THSD7B: variants seen among roughly 807,000 people sequenced by gnomAD.
THSD7B encodes thrombospondin type 1 domain containing 7B, also known as thrombospondin type-1 domain-containing protein 7B.
In THSD7B, 138 loss-of-function variants were observed where a neutral mutation model predicts 213.6. The observed-to-expected ratio is 0.65, with a 90% confidence interval of 0.56 to 0.74. The LOEUF (loss-of-function observed/expected upper bound fraction) is 0.74, where lower values mean the gene tolerates loss of function less well. Ranked by LOEUF, THSD7B falls within the 30% of genes least tolerant of loss-of-function variation. The pLI is 0.00. For missense variants in THSD7B, 1,931 were observed against 1,991.5 expected (o/e 0.97, Z 0.58); for synonymous variants, 742 against 687.0 (o/e 1.08, Z -1.25).
intron 1 of THSD7B, among the ~76,000 whole-genome samples, chr2:136,811,364 G>A (rs1263436100): frequency 6.6e-6 from 1 of 152,112 alleles, no homozygotes; most frequent in Non-Finnish European, 1.5e-5. Context: ...GTAAGTAATT[G>A]TCATGTGAAA....
chr2:137,624,016 G>T (rs1343246507), intron 20 of THSD7B, among the ~76,000 whole-genome samples: 1 of 152,194 alleles, frequency 6.6e-6, no homozygotes. Flanking sequence ...AGCCCACATT[G>T]CCAAGACAAT....
chr2:136,938,844 G>A (rs1247353078), intron 2 of THSD7B, among the ~76,000 whole-genome samples: 2 of 152,178 alleles, frequency 1.3e-5, no homozygotes, highest in Non-Finnish European at 2.9e-5. Context: ...CTGACTTAGT[G>A]TGGTGTCACA....
chr2:137,329,156 T>G (rs1412684788), intron 12 of THSD7B, among the ~76,000 whole-genome samples: 1 of 152,148 alleles, frequency 6.6e-6, no homozygotes, highest in East Asian at 1.9e-4. Flanking sequence ...CCTAGAGACT[T>G]GTTGAATGGC....
intron 1 of THSD7B, among the ~76,000 whole-genome samples, chr2:136,845,561 G>A (rs1558824150): frequency 6.6e-6 from 1 of 152,154 alleles, no homozygotes; most frequent in Non-Finnish European, 1.5e-5. Flanking sequence ...AATCATAAGA[G>A]CATAACTGAG....
intron 4 of THSD7B, among the ~76,000 whole-genome samples, chr2:137,107,771 T>C (rs1348600792): frequency 6.6e-6 from 1 of 152,218 alleles, no homozygotes; most frequent in African/African-American, 2.4e-5. Flanking sequence ...TGCTAAGTGC[T>C]GTATATGGCG....
chr2:137,626,457 CTG>C (rs1485970279), intron 20 of THSD7B, among the ~76,000 whole-genome samples: 11 of 124,370 alleles, frequency 8.8e-5, no homozygotes, highest in Admixed American at 3.3e-4. Flanking sequence ...GAGCGAGACT[CTG>C]TCTCAAAAAA....
At position 137,001,697 on chromosome 2, in the gene THSD7B, C is replaced by G. The variant is rs562019684; in HGVS notation, c.140-54723C>G. ...CCCATTTGATGCAGTACTAAAGGCT[C>G]CAATTCAGAAATATGTTCAAATCTT... On this transcript the variant is annotated intron_variant, in intron 2 of 27. Transcript: ENST00000409968. Among the ~76,000 whole-genome samples the G allele has an allele frequency of 2.6e-4, 39 of 152,214 alleles. No homozygotes were observed. The South Asian group carries it at 2.7e-3, about 11-fold the overall frequency.
At chr2:137,102,324 A>C (rs1378629688) in intron 4 of THSD7B, among the ~76,000 whole-genome samples, 1 of 152,172 alleles carries the variant, frequency 6.6e-6, no homozygotes. Flanking sequence ...ACTAACAAAC[A>C]AAAAGGAATA....
chr2:137,149,607 G>C (rs191825075), intron 5 of THSD7B, among the ~76,000 whole-genome samples: 1 of 152,218 alleles, frequency 6.6e-6, no homozygotes, highest in Non-Finnish European at 1.5e-5. Flanking sequence ...GGCCATGAGA[G>C]CCCACCTCTT....
intron 10 of THSD7B, among the ~76,000 whole-genome samples, chr2:137,268,547 T>C (rs145233636): frequency 1.3e-5 from 2 of 152,256 alleles, no homozygotes; most frequent in Non-Finnish European, 2.9e-5. Flanking sequence ...TTCCTGACAT[T>C]GCCATGCCAT....
intron 2 of THSD7B, among the ~76,000 whole-genome samples, chr2:136,975,922 C>T (rs1685472803): frequency 6.6e-6 from 1 of 152,036 alleles, no homozygotes; most frequent in South Asian, 2.1e-4. Flanking sequence ...AGCTGTATTC[C>T]TACATATTTT....
At chr2:137,623,760 T>G (rs1214181008) in intron 20 of THSD7B, among the ~76,000 whole-genome samples, 1 of 152,102 alleles carries the variant, frequency 6.6e-6, no homozygotes, top group East Asian at 1.9e-4. Context: ...TACCTAGGAA[T>G]CCAACTTACA....
chr2:136,990,435 C>T (rs1487366602), intron 2 of THSD7B, among the ~76,000 whole-genome samples: 1 of 151,988 alleles, frequency 6.6e-6, no homozygotes, highest in African/African-American at 2.4e-5. Context: ...ATTGACAGGA[C>T]TTTAAAAGGG....
intron 17 of THSD7B, among the ~76,000 whole-genome samples, chr2:137,614,261 T>C (rs1682341107): frequency 6.6e-6 from 1 of 152,196 alleles, no homozygotes; most frequent in Non-Finnish European, 1.5e-5. Context: ...AATTCTTAAA[T>C]CTTATCAAAT....
rs111623144 is a variant in THSD7B at position 137,165,253 on chromosome 2, T to C, written c.1525+4885T>C. Among the ~76,000 whole-genome samples the C allele has an allele frequency of 1.5e-3, 232 of 152,292 alleles. 2 individuals are homozygous for C. Among genetic ancestry groups the C allele is most frequent in the African/African-American group, 5.2e-3 (217 of 41,572 alleles). ...GGATGGTAAGCCCTGATGATTGTTA[T>C]TCAGGTCTAGGAGTTTGGTATTTTA... is the stretch of plus-strand genomic sequence containing the variant. On this transcript the variant is annotated intron_variant, in intron 6 of 27. Coordinates refer to ENST00000409968, the MANE Select transcript of THSD7B (RefSeq NM_001316349.2).
At chr2:137,212,088 C>G (rs1030486578) in intron 7 of THSD7B, among the ~76,000 whole-genome samples, 1 of 151,958 alleles carries the variant, frequency 6.6e-6, no homozygotes, top group Admixed American at 6.6e-5. Context: ...TATAACCTCA[C>G]AAAGTCAAAA....
chr2:137,184,562 A>G (rs550677225), intron 7 of THSD7B, among the ~76,000 whole-genome samples: 1 of 152,274 alleles, frequency 6.6e-6, no homozygotes, highest in East Asian at 1.9e-4. Flanking sequence ...TATATATCTA[A>G]AAATGTCTAT....
At chr2:137,410,851 A>G (rs1307191495) in intron 13 of THSD7B, among the ~76,000 whole-genome samples, 2 of 152,216 alleles carry the variant, frequency 1.3e-5, no homozygotes, top group East Asian at 3.9e-4. Context: ...AGTAATCCAG[A>G]GGAATTGTGT....
At chr2:137,258,100 T>C (rs1341012571) in intron 10 of THSD7B, among the ~76,000 whole-genome samples, 2 of 152,240 alleles carry the variant, frequency 1.3e-5, no homozygotes, top group South Asian at 2.1e-4. Flanking sequence ...ATTAAACTTT[T>C]GTGGTTCCAT....
Sources: allele counts gnomAD v4.1 joint callset (sites outside exome capture counted in the v4.1 genomes callset), GRCh38; gene constraint gnomAD v4.1.1; transcripts MANE v1.5; gene names NCBI Gene and HGNC (gene_info 2026-07-23, HGNC 2026-07-21).